NEBL: variants seen among roughly 807,000 people sequenced by gnomAD.
NEBL encodes the protein nebulette.
Under a neutral mutation model 140.2 loss-of-function variants are expected in NEBL, and 122 were observed. The ratio of observed to expected loss-of-function variants is 0.87; its 90% CI spans 0.75 to 1.01. NEBL has a LOEUF of 1.01. NEBL is among the 50% of genes least tolerant of loss of function. NEBL has a pLI of 0.00. For synonymous variants in NEBL, 436 were observed against 398.9 expected (o/e 1.09, Z -1.11); for missense variants, 1,365 against 1,231.3 (o/e 1.11, Z -1.62).
chr10:20,957,305 TATGTA>T (rs1835852623), intron 4 of NEBL, among the ~76,000 whole-genome samples: 1 of 152,118 alleles, frequency 6.6e-6, no homozygotes, highest in African/African-American at 2.4e-5. Context: ...AGTGAAAAAT[TATGTA>T]GTGTAGCAAA....
At chr10:20,820,720 G>T (rs928341403) in intron 19 of NEBL, among the ~76,000 whole-genome samples, 1 of 152,246 alleles carries the variant, frequency 6.6e-6, no homozygotes, top group Middle Eastern at 3.4e-3. Context: ...AGCTACTCAG[G>T]AGGCTGAGGC....
At chr10:21,121,285 A>C (rs1318734311) in intron 2 of NEBL, among the ~76,000 whole-genome samples, 1 of 152,160 alleles carries the variant, frequency 6.6e-6, no homozygotes, top group Non-Finnish European at 1.5e-5. Context: ...ACTTAGGCTA[A>C]TTGTCAGGGG....
Position 21,000,589 on chromosome 10 carries a change from T to C in NEBL, c.249+19528A>G, listed in dbSNP as rs146188354. Among the ~76,000 whole-genome samples, 523 of 152,040 alleles carry C rather than the reference T, an allele frequency of 3.4e-3. 9 individuals carry two copies. The highest frequency in any genetic ancestry group is 0.02 in the South Asian group (97 of 4,810). ...CTTTGCAAAGGAAGGAGCAAAACAT[T>C]TGTAGAAAAATAAAATCAAGTGGGT... On this transcript the variant is annotated intron_variant, in intron 3 of 6. Transcript: ENST00000417816.
chr10:20,898,472 A>G (rs1039422102), upstream of NEBL, among the ~76,000 whole-genome samples: 4 of 152,142 alleles, frequency 2.6e-5, no homozygotes, highest in African/African-American at 9.7e-5. Flanking sequence ...CCTTACCTAA[A>G]CTGAAAATCC....
At chr10:21,092,137 C>T (rs886528156) in intron 2 of NEBL, among the ~76,000 whole-genome samples, 1 of 152,218 alleles carries the variant, frequency 6.6e-6, no homozygotes, top group African/African-American at 2.4e-5. Flanking sequence ...TCCAAAGATA[C>T]ATTAAGCAGA....
chr10:21,063,531 C>A (rs1461648371), intron 2 of NEBL, among the ~76,000 whole-genome samples: 1 of 152,192 alleles, frequency 6.6e-6, no homozygotes, highest in Non-Finnish European at 1.5e-5. Flanking sequence ...TTTCTATTCA[C>A]ATGTAGCAAA....
intron 3 of NEBL, among the ~76,000 whole-genome samples, chr10:21,017,942 T>C (rs538468080): frequency 8.6e-5 from 13 of 152,040 alleles, no homozygotes; most frequent in Non-Finnish European, 1.9e-4. Context: ...TGCTTCAGTC[T>C]CTCGAGTAGT....
At chr10:20,860,515 G>A (rs1298218380) in intron 7 of NEBL, among the ~76,000 whole-genome samples, 1 of 112,888 alleles carries the variant, frequency 8.9e-6, no homozygotes, top group African/African-American at 3.3e-5. Flanking sequence ...AGAGAAATAT[G>A]AGAATGCATG....
intron 4 of NEBL, among the ~76,000 whole-genome samples, chr10:20,908,156 A>G (rs995298342): frequency 2.0e-5 from 3 of 152,166 alleles, no homozygotes; most frequent in African/African-American, 7.2e-5. Context: ...TCAGACACCC[A>G]TTTCACAGAT....
chr10:21,185,658 G>A (rs575923342), intron 3 of NEBL, among the ~76,000 whole-genome samples: 2 of 151,548 alleles, frequency 1.3e-5, no homozygotes, highest in Non-Finnish European at 2.9e-5. Context: ...CACCACACCT[G>A]GCTAATTTTT....
chr10:20,804,558 C>A (rs1837432257), intron 26 of NEBL: 2 of 152,330 alleles, frequency 1.3e-5, no homozygotes, highest in Non-Finnish European at 2.9e-5. Flanking sequence ...GGCTCCAATG[C>A]TGAATATGCT....
At position 20,859,796 on chromosome 10, in the gene NEBL, TTTCA is replaced by T; in HGVS notation, c.711_714del (p.Asn237LysfsTer2). ...TTGTAATGATGTTTCTTATCCTTCA[TTTCA>T]TTATCAAATTTTTCTTTGTATTTAA... On this transcript the variant is annotated frameshift_variant, in exon 8 of 28. Transcript: ENST00000377122. LOFTEE classifies it high-confidence loss of function. 1 of 1,580,190 alleles carries T rather than the reference TTTCA, an allele frequency of 6.3e-7. No individual in the cohort carries two copies. Among genetic ancestry groups the T allele is most frequent in the East Asian group, 2.3e-5 (1 of 44,430 alleles).
chr10:21,031,844 G>A (rs1833809724), intron 2 of NEBL, among the ~76,000 whole-genome samples: 1 of 152,100 alleles, frequency 6.6e-6, no homozygotes, highest in Admixed American at 6.5e-5. Flanking sequence ...TAGTCTTCAT[G>A]TTTTATTCCC....
intron 19 of NEBL, among the ~76,000 whole-genome samples, chr10:20,822,358 T>C (rs1038009545): frequency 5.3e-5 from 8 of 151,858 alleles, no homozygotes; most frequent in African/African-American, 1.9e-4. Context: ...TCTATCTATC[T>C]ATAGGTCTAT....
At position 20,959,779 on chromosome 10, in the gene NEBL, GT is replaced by G. The variant is rs928175963; in HGVS notation, c.357+1892del. Among the ~76,000 whole-genome samples the G allele has an allele frequency of 2.6e-3, 384 of 148,708 alleles. 1 individual carries two copies. Among genetic ancestry groups the G allele is most frequent in the Non-Finnish European group, 3.6e-3 (240 of 66,988 alleles). On this transcript the variant is annotated intron_variant, in intron 4 of 6. Transcript: ENST00000417816. Reference sequence around the variant, plus strand: ...TGCTAACATTAAGACATCGCAAAAAGTTTTTTTTTTAAAAAAAGATGTTGTC... The same window carrying G: ...TGCTAACATTAAGACATCGCAAAAAGTTTTTTTTTAAAAAAAGATGTTGTC...
chr10:21,005,018 C>T (rs947690201), intron 3 of NEBL, among the ~76,000 whole-genome samples: 1 of 152,172 alleles, frequency 6.6e-6, no homozygotes, highest in Non-Finnish European at 1.5e-5. Context: ...GAAATCAAGA[C>T]CTCACCCAAA....
intron 2 of NEBL, among the ~76,000 whole-genome samples, chr10:21,073,890 C>T (rs1293909895): frequency 4.0e-5 from 6 of 151,784 alleles, no homozygotes; most frequent in African/African-American, 9.7e-5. Context: ...CTGGCTAACA[C>T]GGTGAAACCC....
At chr10:21,206,580 G>T (rs1289436965) in intron 3 of NEBL, among the ~76,000 whole-genome samples, 4 of 152,204 alleles carry the variant, frequency 2.6e-5, no homozygotes, top group African/African-American at 9.6e-5. Context: ...CTTATGGGAA[G>T]TCAACATACC....
At chr10:21,096,394 C>G (rs1404428984) in intron 2 of NEBL, among the ~76,000 whole-genome samples, 1 of 151,766 alleles carries the variant, frequency 6.6e-6, no homozygotes, top group Non-Finnish European at 1.5e-5. Context: ...CTTAGATTAG[C>G]CTGAAGAAGT....
Sources: gnomAD v4.1 joint callset for allele counts (sites outside exome capture counted in the v4.1 genomes callset) on GRCh38, gnomAD v4.1.1 for gene constraint, MANE v1.5 for transcripts, NCBI Gene and HGNC (gene_info 2026-07-23, HGNC 2026-07-21) for gene names.